NAA25: variants seen among roughly 807,000 people sequenced by gnomAD.
The protein encoded by NAA25 is N-alpha-acetyltransferase 25, NatB auxiliary subunit.
Under a neutral mutation model 132.5 loss-of-function variants are expected in NAA25, and 30 were observed. That is an observed-to-expected ratio of 0.23 (90% confidence interval 0.17 to 0.31). The LOEUF (loss-of-function observed/expected upper bound fraction) is 0.31. Among genes scored for constraint, NAA25 ranks in the 10% least tolerant of loss-of-function variants. The pLI, the probability that NAA25 is intolerant of heterozygous loss-of-function variation, is 1.00. For missense variants in NAA25, 771 were observed against 1,150.4 expected (o/e 0.67, Z 4.77); for synonymous variants, 359 against 401.9 (o/e 0.89, Z 1.28).
At chr12:112,096,587 G>T (rs2079215970) in intron 1 of NAA25, among the ~76,000 whole-genome samples, 2 of 152,134 alleles carry the variant, frequency 1.3e-5, no homozygotes, top group Non-Finnish European at 2.9e-5. Flanking sequence ...GAAGGCCAAA[G>T]ACCTAATATT....
chr12:112,061,046 C>T (rs1267238762), intron 12 of NAA25, 135 bp downstream of exon 12: 1 of 661,912 alleles, frequency 1.5e-6, no homozygotes, highest in Admixed American at 2.6e-5. Flanking sequence ...CATCATATTA[C>T]TTAGATGGTC....
intron 3 of NAA25, among the ~76,000 whole-genome samples, chr12:112,090,045 T>TG (rs111658551): frequency 1 from 151,976 of 151,978 alleles, 75,987 homozygotes; most frequent in Non-Finnish European, 1. Context: ...TTGGCCGGGC[T>TG]GTCTCTAACT....
chr12:112,039,595 C>G (rs1360701360), intron 21 of NAA25: 1 of 266,794 alleles, frequency 3.7e-6, no homozygotes, highest in Non-Finnish European at 7.0e-6. Flanking sequence ...CCATCCTCCA[C>G]TTCACTCCAA....
At chr12:112,057,590 C>T (rs2078565771) in intron 13 of NAA25, among the ~76,000 whole-genome samples, 1 of 152,216 alleles carries the variant, frequency 6.6e-6, no homozygotes, top group African/African-American at 2.4e-5. Context: ...TGCAGTAGCT[C>T]ATGCCTGTAA....
chr12:112,071,120 G>A (rs1175185884), intron 10 of NAA25, among the ~76,000 whole-genome samples: 2 of 152,040 alleles, frequency 1.3e-5, no homozygotes, highest in African/African-American at 4.8e-5. Context: ...CTGACCTCAG[G>A]TGATCCGCCC....
In NAA25 at chr12:112,090,874, A is replaced by G. The variant is rs763082738; in HGVS notation, c.145-10T>C. 6 of 1,583,956 alleles carry G rather than the reference A, an allele frequency of 3.8e-6. No individual in the cohort carries two copies. Among genetic ancestry groups the G allele is most frequent in the Middle Eastern group, 1.7e-4 (1 of 5,908 alleles). On this transcript the variant is annotated splice_polypyrimidine_tract_variant and intron_variant, in intron 2 of 23. Transcript: ENST00000261745. ...CAATTGCCTTTAAAACCTGATAGCA[A>G]CAAAAGAAAAATCAGTTTTTAAAAA...
intron 2 of NAA25, 25 bp from the exon 3 acceptor site, chr12:112,090,889 G>C: frequency 1.9e-6 from 3 of 1,581,212 alleles, no homozygotes; most frequent in Non-Finnish European, 2.6e-6. Flanking sequence ...AGAAAAATCA[G>C]TTTTTAAAAA....
chr12:112,054,099 G>A (rs999006334), intron 14 of NAA25, among the ~76,000 whole-genome samples: 3 of 152,126 alleles, frequency 2.0e-5, no homozygotes, highest in African/African-American at 7.2e-5. Flanking sequence ...ACTGCAAAGC[G>A]GAAATGAACA....
chr12:112,105,520 C>T (rs1441737795), intron 1 of NAA25, among the ~76,000 whole-genome samples: 1 of 152,138 alleles, frequency 6.6e-6, no homozygotes, highest in Non-Finnish European at 1.5e-5. Flanking sequence ...GAAGATGTTT[C>T]AAATCTATGC....
chr12:112,056,492 G>A (rs1465302942), intron 13 of NAA25, among the ~76,000 whole-genome samples: 2 of 152,156 alleles, frequency 1.3e-5, no homozygotes, highest in African/African-American at 2.4e-5. Context: ...AGGAGGTTGA[G>A]GCTACAGAGA....
intron 15 of NAA25, 61 bp downstream of exon 15, chr12:112,053,497 G>A (rs1290866020): frequency 2.5e-6 from 3 of 1,193,824 alleles, no homozygotes; most frequent in Non-Finnish European, 3.7e-6. Context: ...GTGGTGACGT[G>A]CTCCTCAATA....
At chr12:112,068,096 C>T (rs1173112918) in intron 11 of NAA25, among the ~76,000 whole-genome samples, 4 of 151,974 alleles carry the variant, frequency 2.6e-5, no homozygotes, top group African/African-American at 9.7e-5. Context: ...TGGAGTGCAG[C>T]AGCATGATTA....
In NAA25 at chr12:112,071,961, G is replaced by A. The variant is rs1327956411; in HGVS notation, c.970C>T (p.His324Tyr). 5.0e-6 allele frequency: 8 copies of A among 1,613,958 alleles called. No individual in the cohort carries two copies. The highest frequency in any genetic ancestry group is 6.8e-6 in the Non-Finnish European group (8 of 1,180,004). ...SKSSRHLRGP[H>Y]LAKLELIRRL... ...CTAATCAGCTCCAATTTAGCTAGATGTGGTCCTCGGAGATGGCGAGAACTT... is the reference window on the plus strand; with the variant it reads ...CTAATCAGCTCCAATTTAGCTAGATATGGTCCTCGGAGATGGCGAGAACTT... Residue 324 changes from histidine (H) to tyrosine (Y), a missense_variant, in exon 10 of 24, where the codon CAT (histidine) becomes TAT (tyrosine). By Grantham distance (83) the His-to-Tyr change is moderately conservative. This residue lies in a region of NAA25 where 417 missense variants were observed against 733.8 expected (regional missense o/e 0.57). Transcript: ENST00000261745.
At chr12:112,079,720 C>T (rs1327394307) in intron 5 of NAA25, among the ~76,000 whole-genome samples, 2 of 152,158 alleles carry the variant, frequency 1.3e-5, no homozygotes, top group African/African-American at 4.8e-5. Context: ...CTCTCCTATA[C>T]AGAATCTCAC....
intron 13 of NAA25, among the ~76,000 whole-genome samples, chr12:112,058,601 T>G (rs1209554293): frequency 6.6e-6 from 1 of 152,210 alleles, no homozygotes. Context: ...GCTCAAGCCT[T>G]GGCTTCCTGA....
At chr12:112,075,436 A>G (rs1305117027) in intron 8 of NAA25, among the ~76,000 whole-genome samples, 2 of 152,114 alleles carry the variant, frequency 1.3e-5, no homozygotes, top group East Asian at 3.8e-4. Context: ...TGATCTGCCC[A>G]CCTTGGCCTC....
intron 4 of NAA25, among the ~76,000 whole-genome samples, chr12:112,086,444 G>A (rs1007953568): frequency 4.0e-5 from 6 of 151,570 alleles, no homozygotes; most frequent in African/African-American, 1.2e-4. Flanking sequence ...GCAGTGAGCC[G>A]AGATCGTGCC....
At chr12:112,045,790 G>C (rs59208060) in intron 17 of NAA25, among the ~76,000 whole-genome samples, 2,015 of 151,988 alleles carry the variant, frequency 0.013, 52 homozygotes, top group African/African-American at 0.047. Flanking sequence ...GACAGACTAG[G>C]TCTCAAAAAT....
chr12:112,054,285 G>T, intron 14 of NAA25, 103 bp downstream of exon 14: 1 of 1,007,160 alleles, frequency 9.9e-7, no homozygotes, highest in Non-Finnish European at 1.5e-6. Flanking sequence ...TATTTAATCA[G>T]AAAGGCTTAA....
Sources: gnomAD v4.1 joint callset for allele counts (sites outside exome capture counted in the v4.1 genomes callset) on GRCh38, gnomAD v4.1.1 for gene constraint, gnomAD v4.1.1 regional missense constraint, MANE v1.5 for transcripts, NCBI Gene and HGNC (gene_info 2026-07-23, HGNC 2026-07-21) for gene names.